The following CEACAM21 variants were observed in gnomAD, a reference collection of about 807,000 sequenced individuals.
CEACAM21 encodes the protein cell adhesion molecule CEACAM21.
In CEACAM21, 38 loss-of-function variants were observed where a neutral mutation model predicts 33.2. That is an observed-to-expected ratio of 1.14 (90% CI 0.88 to 1.50). The LOEUF is 1.50. Ranked by LOEUF, CEACAM21 falls within the 40% of genes most tolerant of loss-of-function variation. The pLI, the probability that CEACAM21 is intolerant of heterozygous loss-of-function variation, is 0.00. For synonymous variants in CEACAM21, 156 were observed against 143.0 expected (o/e 1.09, Z -0.65); for missense variants, 385 against 364.6 (o/e 1.06, Z -0.46).
intron 1 of CEACAM21, among the ~76,000 whole-genome samples, chr19:41,558,884 C>T (rs1452171486): frequency 1.3e-5 from 2 of 152,056 alleles, no homozygotes; most frequent in Non-Finnish European, 2.9e-5. Flanking sequence ...TTTAGTAAGC[C>T]TTAATTAAAC....
intron 6 of CEACAM21, chr19:41,586,218 C>G (rs1280581453): frequency 2.6e-5 from 14 of 547,174 alleles, no homozygotes; most frequent in Non-Finnish European, 4.3e-5. Context: ...CACAGATATT[C>G]TGGTCCCTTG....
chr19:41,565,249 C>T (rs1422224147), intron 2 of CEACAM21, among the ~76,000 whole-genome samples: 1 of 152,010 alleles, frequency 6.6e-6, no homozygotes, highest in Non-Finnish European at 1.5e-5. Flanking sequence ...GTGGCACCGC[C>T]ACCGCTACTC....
At chr19:41,580,754 G>C (rs1047560852) in intron 3 of CEACAM21, among the ~76,000 whole-genome samples, 3 of 152,150 alleles carry the variant, frequency 2.0e-5, no homozygotes, top group African/African-American at 7.2e-5. Flanking sequence ...TCATGACATA[G>C]ATATGATTGA....
At chr19:41,567,913 T>C (rs1219363097) in intron 2 of CEACAM21, among the ~76,000 whole-genome samples, 1 of 144,146 alleles carries the variant, frequency 6.9e-6, no homozygotes, top group Non-Finnish European at 1.5e-5. Context: ...AAAAAAAAAA[T>C]GCTTTGGACT....
intron 2 of CEACAM21, 21 bp from the exon 3 acceptor site, chr19:41,579,332 T>C: frequency 6.2e-7 from 1 of 1,613,994 alleles, no homozygotes; most frequent in Non-Finnish European, 8.5e-7. Flanking sequence ...AGACACTTTC[T>C]GTTGGTCACT....
intron 2 of CEACAM21, among the ~76,000 whole-genome samples, chr19:41,568,250 C>CT (rs1555788713): frequency 6.6e-6 from 1 of 151,758 alleles, no homozygotes; most frequent in Admixed American, 6.6e-5. Flanking sequence ...CTCTGCTGGC[C>CT]TTTTTTTTCT....
intron 4 of CEACAM21, among the ~76,000 whole-genome samples, 199 bp from the exon 5 acceptor site, chr19:41,585,244 C>T (rs894457722): frequency 9.9e-5 from 15 of 152,126 alleles, no homozygotes; most frequent in African/African-American, 3.6e-4. Flanking sequence ...GAGTCCTTCC[C>T]CTCTGGCCAG....
At chr19:41,562,184 T>G (rs1415716683) in intron 1 of CEACAM21, among the ~76,000 whole-genome samples, 1 of 151,812 alleles carries the variant, frequency 6.6e-6, no homozygotes, top group Non-Finnish European at 1.5e-5. Flanking sequence ...AGACGGAGGT[T>G]GCAGTGAGCC....
chr19:41,571,881 A>G (rs2042635793), upstream of CEACAM21, among the ~76,000 whole-genome samples: 4 of 151,640 alleles, frequency 2.6e-5, no homozygotes, highest in African/African-American at 4.9e-5. Context: ...CACCTTTCAG[A>G]CCCTGGGCAG....
Position 41,576,307 on chromosome 19 carries a change from A to G in CEACAM21, c.33A>G (p.Glu11=). ...CCCCCTCAGCTTGTCCCCACAGAGA[A>G]TGCATCCCCTGGCAGGGGCTCTTGC... MGPPSACPHR[E]CIPWQGLLLT... Residue 11 remains glutamate, a synonymous_variant, in exon 1 of 7, where the codon GAA becomes GAG. Transcript: ENST00000401445. 6.2e-7 allele frequency: 1 copy of G among 1,612,990 alleles called. No homozygotes were observed.
At chr19:41,564,964 G>GGGAC (rs1403774483) in exon 2 of CEACAM21, 1 of 152,412 alleles carries the variant, frequency 6.6e-6, no homozygotes, top group East Asian at 1.9e-4. Flanking sequence ...GGGTGAGGGA[G>GGGAC]GGACTGCAGC....
chr19:41,569,636 C>T (rs2042476988), intron 2 of CEACAM21, among the ~76,000 whole-genome samples: 1 of 152,026 alleles, frequency 6.6e-6, no homozygotes, highest in Non-Finnish European at 1.5e-5. Context: ...CATCTCCTTG[C>T]AGCAGCTGCA....
chr19:41,579,129 C>A, intron 2 of CEACAM21: 1 of 658,692 alleles, frequency 1.5e-6, no homozygotes, highest in South Asian at 2.0e-5. Context: ...TTTCAGGGCT[C>A]CCTGGTCCTG....
chr19:41,553,271 A>G (rs1264923942), intron 1 of CEACAM21, among the ~76,000 whole-genome samples: 1 of 151,608 alleles, frequency 6.6e-6, no homozygotes, highest in Non-Finnish European at 1.5e-5. Flanking sequence ...TGCCCGGCTC[A>G]TTTTTGTATT....
intron 5 of CEACAM21, 72 bp from the exon 6 acceptor site, chr19:41,585,768 C>T (rs782008127): frequency 6.5e-5 from 95 of 1,464,740 alleles, no homozygotes; most frequent in Middle Eastern, 1.7e-4. Context: ...GAACTGAGGA[C>T]CCCCACACAC....
chr19:41,582,730 G>C (rs185218504), intron 3 of CEACAM21, among the ~76,000 whole-genome samples: 1 of 152,198 alleles, frequency 6.6e-6, no homozygotes, highest in East Asian at 1.9e-4. Flanking sequence ...GGGATGCAGG[G>C]CACCAAGTCT....
chr19:41,560,314 C>T (rs1383816203), intron 1 of CEACAM21, among the ~76,000 whole-genome samples: 2 of 152,042 alleles, frequency 1.3e-5, no homozygotes, highest in African/African-American at 4.8e-5. Flanking sequence ...CCTCAAATTC[C>T]TAGGCTCAAG....
rs187806906 is a variant in CEACAM21, at chr19:41,553,652, A to G, written c.-779+4100A>G. The G allele has an allele frequency of 3.5e-4, 53 of 152,182 alleles. 1 individual carries two copies. Among genetic ancestry groups the G allele is most frequent in the African/African-American group, 1.2e-3 (49 of 41,550 alleles). 9.4% of individuals were successfully genotyped at this position (152,182 alleles called of 1,614,324 possible). On this transcript the variant is annotated intron_variant, in intron 1 of 7. Coordinates refer to the CEACAM21 transcript ENST00000407170. ...GAATTCCTGTCCTCTTGAAGTTTCA[A>G]GATAACTTGGGATTCCTGACCTGTC... is the stretch of plus-strand genomic sequence containing the variant.
chr19:41,586,553 G>A lies in CEACAM21; in HGVS notation c.*90G>A, dbSNP rs2070749834. On this transcript the variant is annotated 3_prime_UTR_variant, in exon 7 of 7. Transcript: ENST00000401445. ...AGGTTCCTCTGGGAGCTGCTCCTGT[G>A]GGTTGATGGAGCGTCCCTGAAGCCC... 3.2e-6 allele frequency: 2 copies of A among 629,240 alleles called. No homozygotes were observed. Among genetic ancestry groups the A allele is most frequent in the African/African-American group, 1.8e-5 (1 of 54,330 alleles). The allele number at this position is 629,240 out of a possible 1,614,324, so 39.0% of individuals were successfully genotyped here.
Sources: gnomAD v4.1 joint callset for allele counts (sites outside exome capture counted in the v4.1 genomes callset) on GRCh38, gnomAD v4.1.1 for gene constraint, MANE v1.5 for transcripts, NCBI Gene and HGNC (gene_info 2026-07-23, HGNC 2026-07-21) for gene names.